Variants in SPTLC3 observed in about 807,000 individuals in gnomAD.
SPTLC3 encodes the protein serine palmitoyltransferase long chain base subunit 3.
In SPTLC3, 36 loss-of-function variants were observed where a neutral mutation model predicts 59.3. The ratio of observed to expected loss-of-function variants is 0.61; its 90% confidence interval spans 0.47 to 0.80. The LOEUF (loss-of-function observed/expected upper bound fraction) is 0.80, where lower values mean the gene tolerates loss of function less well. SPTLC3 is among the 30% of genes least tolerant of loss of function. SPTLC3 has a pLI of 0.00. For synonymous variants in SPTLC3, 257 were observed against 240.8 expected (o/e 1.07, Z -0.62); for missense variants, 625 against 685.1 (o/e 0.91, Z 0.98).
At chr20:13,017,851 A>C (rs1474833668) in intron 1 of SPTLC3, among the ~76,000 whole-genome samples, 1 of 152,172 alleles carries the variant, frequency 6.6e-6, no homozygotes, top group Non-Finnish European at 1.5e-5. Flanking sequence ...CAAAAACGTG[A>C]TGGAAGGGAC....
intron 9 of SPTLC3, among the ~76,000 whole-genome samples, chr20:13,139,253 A>G (rs966860363): frequency 2.0e-5 from 3 of 152,228 alleles, no homozygotes; most frequent in Non-Finnish European, 4.4e-5. Flanking sequence ...ACAGACAATG[A>G]AAGATAAAGG....
Position 13,072,293 on chromosome 20 carries a change from A to G in SPTLC3, c.341A>G (p.Tyr114Cys). ...CTGTATCAAGACTTTGAAAATTTTTATACAAGAAACCTTTACATGCGAATC... is the reference window on the plus strand; with the variant it reads ...CTGTATCAAGACTTTGAAAATTTTTGTACAAGAAACCTTTACATGCGAATC... ...VPLYQDFENFYTRNLYMRIRD... is the reference protein window; with the variant it reads ...VPLYQDFENFCTRNLYMRIRD... Residue 114 changes from tyrosine (Y) to cysteine (C), a missense_variant, in exon 3 of 12, where the codon TAT becomes TGT. By Grantham distance (194) the Tyr-to-Cys change is radical. Transcript: ENST00000399002. 1.2e-6 allele frequency: 2 copies of G among 1,613,906 alleles called. No individual in the cohort carries two copies. Among genetic ancestry groups the G allele is most frequent in the Non-Finnish European group, 1.7e-6 (2 of 1,179,874 alleles).
chr20:13,123,150 G>A (rs2037906718), intron 8 of SPTLC3, among the ~76,000 whole-genome samples: 1 of 152,076 alleles, frequency 6.6e-6, no homozygotes, highest in Non-Finnish European at 1.5e-5. Context: ...GGCCAACATG[G>A]TGAAACCCCA....
chr20:13,117,866 C>A, intron 8 of SPTLC3, 141 bp downstream of exon 8: 2 of 728,170 alleles, frequency 2.7e-6, no homozygotes, highest in Non-Finnish European at 4.4e-6. Flanking sequence ...ACAGTGGGTT[C>A]ACAGCCAGAT....
At chr20:13,138,093 G>C (rs2038291702) in intron 9 of SPTLC3, among the ~76,000 whole-genome samples, 1 of 152,118 alleles carries the variant, frequency 6.6e-6, no homozygotes, top group Non-Finnish European at 1.5e-5. Flanking sequence ...GAGTTACTCA[G>C]TCCACCCCCA....
At chr20:13,137,147 C>G (rs2038266248) in intron 9 of SPTLC3, among the ~76,000 whole-genome samples, 1 of 152,144 alleles carries the variant, frequency 6.6e-6, no homozygotes, top group South Asian at 2.1e-4. Flanking sequence ...AAACTAATTG[C>G]TATCAGACCA....
intron 9 of SPTLC3, 60 bp downstream of exon 9, chr20:13,126,777 A>C: frequency 1.3e-6 from 2 of 1,590,654 alleles, no homozygotes; most frequent in Non-Finnish European, 1.7e-6. Flanking sequence ...CTGCCTCATT[A>C]ATCTCCCCGC....
At chr20:13,141,548 T>C (rs2038383948) in intron 9 of SPTLC3, among the ~76,000 whole-genome samples, 1 of 152,170 alleles carries the variant, frequency 6.6e-6, no homozygotes, top group Non-Finnish European at 1.5e-5. Context: ...CTAAGGTCCC[T>C]CAATGAAAAC....
intron 9 of SPTLC3, among the ~76,000 whole-genome samples, chr20:13,136,763 T>C (rs1023107838): frequency 4.6e-4 from 69 of 148,676 alleles, no homozygotes; most frequent in African/African-American, 1.6e-3. Flanking sequence ...GAGAGAGGAA[T>C]TTGGCAGGAA....
intron 8 of SPTLC3, among the ~76,000 whole-genome samples, chr20:13,124,318 G>A (rs937076209): frequency 6.6e-6 from 1 of 151,896 alleles, no homozygotes; most frequent in Admixed American, 6.6e-5. Context: ...AAGGGGGGAG[G>A]GGGAGAAGAA....
intron 7 of SPTLC3, among the ~76,000 whole-genome samples, 156 bp downstream of exon 7, chr20:13,110,373 A>T (rs1990159728): frequency 6.6e-6 from 1 of 152,172 alleles, no homozygotes; most frequent in Non-Finnish European, 1.5e-5. Context: ...GAGCTGTCAG[A>T]CGTGGGTTAT....
chr20:13,016,381 T>TA (rs1985529293), intron 1 of SPTLC3, among the ~76,000 whole-genome samples: 1 of 152,222 alleles, frequency 6.6e-6, no homozygotes, highest in African/African-American at 2.4e-5. Flanking sequence ...TGATGGGTGC[T>TA]ACATGCCAGG....
chr20:13,147,845 T>C (rs1219774465), intron 9 of SPTLC3, among the ~76,000 whole-genome samples: 2 of 152,188 alleles, frequency 1.3e-5, no homozygotes, highest in Admixed American at 1.3e-4. Context: ...TTTCTGAACA[T>C]ATATTTTCAA....
At chr20:13,019,333 G>C (rs1001800997) in intron 1 of SPTLC3, among the ~76,000 whole-genome samples, 3 of 152,130 alleles carry the variant, frequency 2.0e-5, no homozygotes, top group Admixed American at 2.0e-4. Flanking sequence ...AGAAAACATT[G>C]CTAACAAACA....
chr20:13,104,614 C>T (rs930322493), intron 6 of SPTLC3, among the ~76,000 whole-genome samples: 1 of 152,042 alleles, frequency 6.6e-6, no homozygotes, highest in Admixed American at 6.6e-5. Flanking sequence ...CCTTTTAGTC[C>T]TCTACAAACC....
intron 9 of SPTLC3, among the ~76,000 whole-genome samples, chr20:13,133,434 C>T (rs532325326): frequency 9.2e-4 from 140 of 152,158 alleles, no homozygotes; most frequent in Middle Eastern, 3.4e-3. Flanking sequence ...AGATAGAAAC[C>T]ATTAAATCTC....
intron 7 of SPTLC3, among the ~76,000 whole-genome samples, chr20:13,112,516 G>T (rs1305978686): frequency 6.6e-6 from 1 of 152,146 alleles, no homozygotes; most frequent in Non-Finnish European, 1.5e-5. Flanking sequence ...CCTACCCCCT[G>T]ATGGAGGATC....
At position 13,080,694 on chromosome 20, in the gene SPTLC3, A is replaced by G. The variant is rs567938247; in HGVS notation, c.607+6197A>G. ...GGAGTGAAGAAAAGAGCACTCTCATATACCATTGACAGAGAAAATTAGAGA... is the reference window on the plus strand; with the variant it reads ...GGAGTGAAGAAAAGAGCACTCTCATGTACCATTGACAGAGAAAATTAGAGA... On this transcript the variant is annotated intron_variant, in intron 4 of 11. Transcript: ENST00000399002. Among the ~76,000 whole-genome samples, 15 of 152,316 alleles carry G rather than the reference A, an allele frequency of 9.8e-5. 1 individual carries two copies. The South Asian group carries it at 3.1e-3, about 32-fold the overall frequency.
At chr20:13,136,747 T>C (rs1013102606) in intron 9 of SPTLC3, among the ~76,000 whole-genome samples, 1 of 148,098 alleles carries the variant, frequency 6.8e-6, no homozygotes, top group Admixed American at 6.8e-5. Flanking sequence ...ATATATAATA[T>C]ATAGGGAGAG....
Sources: allele counts gnomAD v4.1 joint callset (sites outside exome capture counted in the v4.1 genomes callset), GRCh38; gene constraint gnomAD v4.1.1; transcripts MANE v1.5; gene names NCBI Gene and HGNC (gene_info 2026-07-23, HGNC 2026-07-21).